Variants in LGALS8 observed in about 807,000 individuals in gnomAD.
The protein encoded by LGALS8 is galectin-8.
LGALS8 carries 30 observed loss-of-function variants against 35.9 expected under a neutral mutation model. The observed-to-expected ratio is 0.83, with a 90% CI of 0.62 to 1.13. The LOEUF (loss-of-function observed/expected upper bound fraction) is 1.13. Among genes scored for constraint, LGALS8 ranks in the 50% most tolerant of loss-of-function variants. The probability of loss-of-function intolerance (pLI) is 0.00; values close to 1 mark genes in which losing one functional copy is unlikely to be tolerated. For missense variants in LGALS8, 366 were observed against 388.7 expected (o/e 0.94, Z 0.49); for synonymous variants, 138 against 136.1 (o/e 1.01, Z -0.10).
chr1:236,541,689 G>GA lies in LGALS8; in HGVS notation c.502dup (p.Thr168AsnfsTer5). On this transcript the variant is annotated frameshift_variant, in exon 6 of 10. Coordinates refer to ENST00000366584, the MANE Select transcript of LGALS8 (RefSeq NM_201544.4). LOFTEE classifies it high-confidence loss of function. The stretch of plus-strand genomic sequence containing the variant: ...GTACCCAAGCATCTAGTCTGGAACT[G>GA]ACAGAGATAAGTAGAGAAAATGTAA... 6.6e-7 allele frequency: 1 copy of GA among 1,526,464 alleles called. No individual in the cohort carries two copies. The highest frequency in any genetic ancestry group is 8.9e-7 in the Non-Finnish European group (1 of 1,122,980). The allele number at this position is 1,526,464 out of a possible 1,614,324, so 94.6% of individuals were successfully genotyped here.
chr1:236,552,458 CAGCCCGCCAGGCTGGCAAT>C lies in LGALS8; in HGVS notation c.*4299_*4317del, dbSNP rs770555705. 1.0e-4 allele frequency: 17 copies of C among 164,542 alleles called. No individual in the cohort carries two copies. The highest frequency in any genetic ancestry group is 2.5e-4 in the Admixed American group (4 of 15,730). 10.2% of individuals were successfully genotyped at this position (164,542 alleles called of 1,614,324 possible). Reference sequence around the variant, plus strand: ...CAGATTTTACTTCATTGGCGCTCGCCAGCCCGCCAGGCTGGCAATAAAGTGCCTCCAGCCACCTCTGGCA... The same window carrying C: ...CAGATTTTACTTCATTGGCGCTCGCCAAAGTGCCTCCAGCCACCTCTGGCA... On this transcript the variant is annotated 3_prime_UTR_variant, in exon 10 of 10. Coordinates refer to ENST00000366584, the MANE Select transcript of LGALS8 (RefSeq NM_201544.4).
At chr1:236,521,490 T>C (rs1403601738), upstream of LGALS8, among the ~76,000 whole-genome samples, 1 of 152,092 alleles carries the variant, frequency 6.6e-6, no homozygotes, top group African/African-American at 2.4e-5. Context: ...GATCAGGAAG[T>C]GCTCGTGTAA....
At chr1:236,547,237 A>AGAAGTAT (rs1662421761) in intron 9 of LGALS8, among the ~76,000 whole-genome samples, 1 of 152,226 alleles carries the variant, frequency 6.6e-6, no homozygotes, top group African/African-American at 2.4e-5. Context: ...GCGTGGCACC[A>AGAAGTAT]GAAGTATGAA....
chr1:236,541,972 C>G (rs755357453), intron 6 of LGALS8, among the ~76,000 whole-genome samples: 1 of 152,184 alleles, frequency 6.6e-6, no homozygotes, highest in African/African-American at 2.4e-5. Flanking sequence ...TAGTACTGTT[C>G]TGGGGTATTT....
Position 236,539,070 on chromosome 1 carries a change from T to G in LGALS8, c.326T>G (p.Val109Gly), listed in dbSNP as rs753660901. ...AAGTCTTTTGAGATCGTGATTATGG[T>G]GCTGAAGGACAAATTCCAGGTAGGT... ...REKSFEIVIM[V>G]LKDKFQVAVN... Residue 109 changes from valine (V) to glycine (G), a missense_variant, in exon 4 of 10, where the codon GTG becomes GGG. Val to Gly is a moderately radical substitution (Grantham distance 109). Coordinates refer to ENST00000366584, the MANE Select transcript of LGALS8 (RefSeq NM_201544.4). The G allele has an allele frequency of 4.5e-5, 72 of 1,613,776 alleles. No individual in the cohort carries two copies. Among genetic ancestry groups the G allele is most frequent in the Non-Finnish European group, 6.0e-5 (71 of 1,179,982 alleles).
intron 2 of LGALS8, among the ~76,000 whole-genome samples, chr1:236,527,609 G>A (rs1398509800): frequency 6.6e-6 from 1 of 151,890 alleles, no homozygotes. Context: ...ACGTTTCACT[G>A]CTGTAAAATA....
upstream of LGALS8, among the ~76,000 whole-genome samples, chr1:236,521,112 C>T (rs1476622080): frequency 6.6e-6 from 1 of 152,220 alleles, no homozygotes; most frequent in East Asian, 1.9e-4. Context: ...ACAATCAAAA[C>T]TCCTTGCCCT....
At chr1:236,538,194 CA>C (rs1661703861) in intron 3 of LGALS8, among the ~76,000 whole-genome samples, 1 of 151,832 alleles carries the variant, frequency 6.6e-6, no homozygotes, top group South Asian at 2.1e-4. Flanking sequence ...CACAGCATTA[CA>C]GATCTAGTTC....
At chr1:236,543,908 T>C (rs767736086) in intron 8 of LGALS8, among the ~76,000 whole-genome samples, 1 of 151,724 alleles carries the variant, frequency 6.6e-6, no homozygotes, top group Non-Finnish European at 1.5e-5. Context: ...CCTTGCCTTG[T>C]AGAACTCCAG....
chr1:236,545,539 T>TC (rs1403446633), intron 9 of LGALS8, among the ~76,000 whole-genome samples: 35 of 152,188 alleles, frequency 2.3e-4, no homozygotes, highest in African/African-American at 7.5e-4. Context: ...TGCCACTGCC[T>TC]CACACAGTCA....
chr1:236,551,191 G>A lies in LGALS8; in HGVS notation c.*3030G>A. ...CTTCCGCCTTCATTCCTTGCCCACA[G>A]GCTTGCACTGGAAGCTGAATAAGAA... On this transcript the variant is annotated 3_prime_UTR_variant, in exon 10 of 10. Coordinates refer to ENST00000366584, the MANE Select transcript of LGALS8 (RefSeq NM_201544.4). The A allele has an allele frequency of 3.8e-6, 2 of 524,534 alleles. No individual in the cohort carries two copies. The allele number at this position is 524,534 out of a possible 1,614,324, so 32.5% of individuals were successfully genotyped here. A position where few individuals can be genotyped will look rare whatever the true frequency, so the allele number is the denominator to read the frequency against.
rs1438755160 is a variant in LGALS8, at chr1:236,549,473, A to G, written c.*1312A>G. ...CAGGATTTAGGAATATTTTCAGAAC[A>G]GATTTTAGATATTATTTCTATCCAT... On this transcript the variant is annotated 3_prime_UTR_variant, in exon 10 of 10. Coordinates refer to ENST00000366584, the MANE Select transcript of LGALS8 (RefSeq NM_201544.4). 6.5e-6 allele frequency: 1 copy of G among 153,080 alleles called. No homozygotes were observed. Among genetic ancestry groups the G allele is most frequent in the Non-Finnish European group, 1.5e-5 (1 of 68,622 alleles). 9.5% of individuals were successfully genotyped at this position (153,080 alleles called of 1,614,324 possible). A position where few individuals can be genotyped will look rare whatever the true frequency, so the allele number is the denominator to read the frequency against.
intron 8 of LGALS8, 141 bp downstream of exon 8, chr1:236,543,789 TGGTTA>T (rs1299937679): frequency 1.5e-6 from 1 of 685,136 alleles, no homozygotes; most frequent in Non-Finnish European, 2.6e-6. Flanking sequence ...AAGCAGGAGG[TGGTTA>T]GATTGTGAAC....
chr1:236,538,520 C>G (rs533816998), intron 3 of LGALS8, among the ~76,000 whole-genome samples: 1 of 152,328 alleles, frequency 6.6e-6, no homozygotes, highest in East Asian at 1.9e-4. Context: ...GGAAACAGAG[C>G]TGGACAAAAG....
intron 6 of LGALS8, 89 bp downstream of exon 6, chr1:236,541,799 G>A: frequency 3.1e-6 from 2 of 645,646 alleles, no homozygotes; most frequent in South Asian, 4.8e-5. Flanking sequence ...CTGGGTTTTT[G>A]AAAATTATGC....
chr1:236,545,422 T>C (rs933103073), intron 9 of LGALS8, among the ~76,000 whole-genome samples: 12 of 152,318 alleles, frequency 7.9e-5, no homozygotes, highest in Non-Finnish European at 1.5e-4. Flanking sequence ...AGGTGAATAT[T>C]GTAACACATA....
intron 4 of LGALS8, 72 bp downstream of exon 4, chr1:236,539,161 G>T: frequency 8.2e-6 from 10 of 1,218,642 alleles, no homozygotes; most frequent in Non-Finnish European, 9.7e-6. Flanking sequence ...TTTCACATTT[G>T]TGAGCCCAGC....
rs1015603306 is a variant in LGALS8, at chr1:236,526,238, G to A, written c.45+123G>A. ...TGAACATATTTAAAGCACCTACTATGTAATAGAGATGGTGGTGGGTGCTGA... is the reference window on the plus strand; with the variant it reads ...TGAACATATTTAAAGCACCTACTATATAATAGAGATGGTGGTGGGTGCTGA... On this transcript the variant is annotated intron_variant, in intron 2 of 9. Transcript: ENST00000366584. This position sits in a 1 kb window ranked among gnomAD's most constrained non-coding sequence, Gnocchi z 4.6. 19 of 644,010 alleles carry A rather than the reference G, an allele frequency of 3.0e-5. No individual in the cohort carries two copies. The highest frequency in any genetic ancestry group is 2.5e-4 in the African/African-American group (14 of 55,092). The allele number at this position is 644,010 out of a possible 1,614,324, so 39.9% of individuals were successfully genotyped here.
At chr1:236,545,072 G>A in intron 9 of LGALS8, 157 bp downstream of exon 9, 1 of 540,508 alleles carries the variant, frequency 1.9e-6, no homozygotes, top group East Asian at 2.9e-5. Flanking sequence ...TTTATAACGT[G>A]GGCAATCAGT....
Sources: gnomAD v4.1 joint callset for allele counts (sites outside exome capture counted in the v4.1 genomes callset) on GRCh38, gnomAD v4.1.1 for gene constraint, Gnocchi (gnomAD v3.1) non-coding constraint, MANE v1.5 for transcripts, NCBI Gene and HGNC (gene_info 2026-07-23, HGNC 2026-07-21) for gene names.